The following EYS variants were observed in gnomAD, a reference collection of about 807,000 sequenced individuals.
The protein encoded by EYS is EGF-like photoreceptor maintenance factor.
In EYS, 250 loss-of-function variants were observed where a neutral mutation model predicts 282.1. The observed-to-expected ratio is 0.89, with a 90% confidence interval of 0.80 to 0.98. The LOEUF (loss-of-function observed/expected upper bound fraction) is 0.98. Among genes scored for constraint, EYS ranks in the 50% least tolerant of loss-of-function variants. EYS has a pLI of 0.00. For missense variants in EYS, 4,016 were observed against 3,709.0 expected (o/e 1.08, Z -2.15); for synonymous variants, 1,355 against 1,282.9 (o/e 1.06, Z -1.20).
intron 9 of EYS, among the ~76,000 whole-genome samples, chr6:65,345,389 A>G (rs1045984589): frequency 6.6e-6 from 1 of 151,810 alleles, no homozygotes; most frequent in Non-Finnish European, 1.5e-5. Context: ...TGCTAGCTCC[A>G]TATAATTAAT....
chr6:64,822,996 A>G (rs1752163050), intron 19 of EYS, among the ~76,000 whole-genome samples, 174 bp from the exon 20 acceptor site: 1 of 151,948 alleles, frequency 6.6e-6, no homozygotes, highest in Non-Finnish European at 1.5e-5. Flanking sequence ...AGGTCTATGA[A>G]TGTTCAGATT....
At chr6:64,505,547 A>G (rs906557280) in intron 26 of EYS, among the ~76,000 whole-genome samples, 3 of 152,156 alleles carry the variant, frequency 2.0e-5, no homozygotes, top group Non-Finnish European at 4.4e-5. Flanking sequence ...GCAGGCTGCC[A>G]GTCTTATTTT....
At chr6:64,253,754 G>C (rs1767298740) in intron 30 of EYS, among the ~76,000 whole-genome samples, 1 of 151,722 alleles carries the variant, frequency 6.6e-6, no homozygotes, top group Admixed American at 6.6e-5. Flanking sequence ...TAGTGCAGGG[G>C]GGTTTATTCT....
At chr6:63,801,998 T>C (rs1770793016) in intron 37 of EYS, among the ~76,000 whole-genome samples, 1 of 152,204 alleles carries the variant, frequency 6.6e-6, no homozygotes, top group Non-Finnish European at 1.5e-5. Context: ...ACAACCAATA[T>C]GTAGGTTAAA....
intron 31 of EYS, among the ~76,000 whole-genome samples, chr6:64,171,135 T>C (rs2150306828): frequency 6.8e-6 from 1 of 145,992 alleles, no homozygotes; most frequent in Middle Eastern, 3.5e-3. Context: ...TTTTTAATTG[T>C]GTATTTAACA....
chr6:65,208,290 G>A (rs941643218), intron 12 of EYS, among the ~76,000 whole-genome samples: 1 of 151,686 alleles, frequency 6.6e-6, no homozygotes, highest in Admixed American at 6.6e-5. Flanking sequence ...ATTAAAATGT[G>A]CATAAACAAC....
chr6:65,130,006 G>C (rs1015418146), intron 12 of EYS, among the ~76,000 whole-genome samples: 2 of 151,916 alleles, frequency 1.3e-5, no homozygotes, highest in Admixed American at 1.3e-4. Flanking sequence ...TTCATTTGCA[G>C]CAACATGGAT....
intron 26 of EYS, among the ~76,000 whole-genome samples, chr6:64,513,162 TATAAA>T (rs1777461108): frequency 6.6e-6 from 1 of 151,962 alleles, no homozygotes; most frequent in South Asian, 2.1e-4. Flanking sequence ...TTAATTTAAT[TATAAA>T]ATAGCTAGGT....
At chr6:64,266,769 G>C (rs961384830) in intron 30 of EYS, among the ~76,000 whole-genome samples, 2 of 152,118 alleles carry the variant, frequency 1.3e-5, no homozygotes, top group South Asian at 2.1e-4. Flanking sequence ...CTCTCTAGGG[G>C]ACATGGGCTA....
chr6:64,029,230 C>G (rs1159784124), intron 33 of EYS, among the ~76,000 whole-genome samples: 3 of 152,198 alleles, frequency 2.0e-5, no homozygotes, highest in African/African-American at 4.8e-5. Flanking sequence ...GCCGGGATAG[C>G]TCTTTGAGTC....
intron 37 of EYS, among the ~76,000 whole-genome samples, chr6:63,791,630 C>T (rs971100499): frequency 6.6e-6 from 1 of 150,508 alleles, no homozygotes; most frequent in Non-Finnish European, 1.5e-5. Context: ...GCTTGACTGG[C>T]ATTTAGTGCC....
chr6:64,160,784 A>G (rs1178205830), intron 31 of EYS, among the ~76,000 whole-genome samples: 1 of 152,230 alleles, frequency 6.6e-6, no homozygotes, highest in Non-Finnish European at 1.5e-5. Context: ...CCAAATACAC[A>G]GCCTATGTAC....
intron 19 of EYS, among the ~76,000 whole-genome samples, chr6:64,859,661 T>C (rs2146756): frequency 0.79 from 120,046 of 152,062 alleles, 48,009 homozygotes; most frequent in Non-Finnish European, 0.84. Context: ...TCTTGTCTGC[T>C]GCCATGTGAG....
intron 12 of EYS, among the ~76,000 whole-genome samples, chr6:65,278,320 A>ATTCTATATATTCTATATATAG (rs1349509416): frequency 2.6e-5 from 1 of 38,920 alleles, no homozygotes; most frequent in South Asian, 1.7e-3. Context: ...TATTCTATAG[A>ATTCTATATATTCTATATATAG]AATCTATATA....
chr6:65,321,146 CT>C (rs67687880), intron 11 of EYS, among the ~76,000 whole-genome samples: 27,824 of 133,192 alleles, frequency 0.21, 2,457 homozygotes, highest in Middle Eastern at 0.24. Context: ...GTATGAAAGC[CT>C]TTTTTTTTTT....
chr6:65,432,058 A>G (rs1767908388), intron 5 of EYS, among the ~76,000 whole-genome samples: 1 of 152,112 alleles, frequency 6.6e-6, no homozygotes. Flanking sequence ...CATTCTCTAA[A>G]CCCAGTTAAT....
chr6:64,080,065 A>G (rs1771911137), intron 32 of EYS, among the ~76,000 whole-genome samples: 1 of 152,202 alleles, frequency 6.6e-6, no homozygotes, highest in African/African-American at 2.4e-5. Context: ...ATGATTTATA[A>G]TACTTTGGGT....
Position 65,288,844 on chromosome 6 carries a change from C to T in EYS, c.2023+7019G>A, listed in dbSNP as rs535607550. ...TTTATGACTTTTACCTTGTCTGGAA[C>T]GTGTAACAAGTACCAATTTCTATTA... is the stretch of plus-strand genomic sequence containing the variant. On this transcript the variant is annotated intron_variant, in intron 12 of 42. Coordinates refer to ENST00000503581, the MANE Select transcript of EYS (RefSeq NM_001142800.2). Among the ~76,000 whole-genome samples the T allele has an allele frequency of 1.3e-4, 19 of 151,058 alleles. 1 individual carries two copies. The highest frequency in any genetic ancestry group is 2.1e-4 in the South Asian group (1 of 4,820).
intron 35 of EYS, among the ~76,000 whole-genome samples, chr6:63,892,548 C>T (rs1056488265): frequency 6.6e-6 from 1 of 152,070 alleles, no homozygotes; most frequent in Non-Finnish European, 1.5e-5. Context: ...TGAAACTGGA[C>T]CCCTTCCTTA....
Sources: gnomAD v4.1 joint callset for allele counts (sites outside exome capture counted in the v4.1 genomes callset) on GRCh38, gnomAD v4.1.1 for gene constraint, MANE v1.5 for transcripts, NCBI Gene and HGNC (gene_info 2026-07-23, HGNC 2026-07-21) for gene names.